ACVR2B: variants seen among roughly 807,000 people sequenced by gnomAD.
ACVR2B encodes activin receptor type-2B.
ACVR2B carries 18 observed loss-of-function variants against 65.1 expected under a neutral mutation model. That is an observed-to-expected ratio of 0.28 (90% CI 0.19 to 0.41). The LOEUF (loss-of-function observed/expected upper bound fraction) is 0.41. Ranked by LOEUF, ACVR2B falls within the 10% of genes least tolerant of loss-of-function variation. The pLI is 1.00. For synonymous variants in ACVR2B, 298 were observed against 277.7 expected (o/e 1.07, Z -0.73); for missense variants, 482 against 682.7 (o/e 0.71, Z 3.28).
At chr3:38,465,897 T>C (rs1445887305) in intron 1 of ACVR2B, among the ~76,000 whole-genome samples, 2 of 152,154 alleles carry the variant, frequency 1.3e-5, no homozygotes, top group African/African-American at 4.8e-5. Flanking sequence ...AAAGACAGAA[T>C]GTTGAAAGCA....
intron 1 of ACVR2B, among the ~76,000 whole-genome samples, chr3:38,472,087 T>G (rs1282156848): frequency 6.6e-6 from 1 of 152,198 alleles, no homozygotes. Flanking sequence ...TACACGTGTG[T>G]GCATGTGTCA....
At chr3:38,457,053 A>C (rs1267231267) in intron 1 of ACVR2B, among the ~76,000 whole-genome samples, 1 of 152,012 alleles carries the variant, frequency 6.6e-6, no homozygotes, top group Non-Finnish European at 1.5e-5. Flanking sequence ...AAAATACAAA[A>C]ATTAGCTGGG....
Position 38,478,444 on chromosome 3 carries a change from C to G in ACVR2B, c.592C>G (p.Arg198Gly). 2 of 1,614,132 alleles carry G rather than the reference C, an allele frequency of 1.2e-6. No homozygotes were observed. Among genetic ancestry groups the G allele is most frequent in the Non-Finnish European group, 1.7e-6 (2 of 1,180,012 alleles). ...KPLQLLEIKA[R>G]GRFGCVWKAQ... ...ACTGCAGCTGCTGGAGATCAAGGCT[C>G]GGGGGCGCTTTGGCTGTGTCTGGAA... Residue 198 changes from arginine (R) to glycine (G), a missense_variant, in exon 5 of 11, where the codon CGG (arginine) becomes GGG (glycine). Transcript: ENST00000352511.
intron 6 of ACVR2B, 48 bp from the exon 7 acceptor site, chr3:38,479,630 G>A (rs1221926967): frequency 1.2e-6 from 2 of 1,611,038 alleles, no homozygotes; most frequent in South Asian, 2.2e-5. Context: ...GCTGGGTCCT[G>A]TCCTGTACCC....
chr3:38,457,586 C>T (rs192563229), intron 1 of ACVR2B, among the ~76,000 whole-genome samples: 1 of 152,332 alleles, frequency 6.6e-6, no homozygotes, highest in East Asian at 1.9e-4. Context: ...ACATCCTGGA[C>T]ACTCAATGCT....
rs140005030 is a variant in ACVR2B, at chr3:38,492,046, G to A, written c.*8714G>A. On this transcript the variant is annotated 3_prime_UTR_variant, in exon 11 of 11. Coordinates refer to ENST00000352511, the MANE Select transcript of ACVR2B (RefSeq NM_001106.4). ...CAGTACTGTAAATTTAACTTACATCGAGTTTGTTGTCAATTCTTATGAAAA... is the reference window on the plus strand; with the variant it reads ...CAGTACTGTAAATTTAACTTACATCAAGTTTGTTGTCAATTCTTATGAAAA... 17 of 152,132 alleles carry A rather than the reference G, an allele frequency of 1.1e-4. No individual in the cohort carries two copies. Among genetic ancestry groups the A allele is most frequent in the Non-Finnish European group, 2.1e-4 (14 of 68,020 alleles). 9.4% of individuals were successfully genotyped at this position (152,132 alleles called of 1,614,324 possible). A position where few individuals can be genotyped will look rare whatever the true frequency, so the allele number is the denominator to read the frequency against.
chr3:38,454,411 C>A, intron 1 of ACVR2B, 37 bp downstream of exon 1: 2 of 1,242,494 alleles, frequency 1.6e-6, no homozygotes. Context: ...GCCGAGAGGG[C>A]GCGCGGGGCT....
Position 38,477,334 on chromosome 3 carries a change from G to A in ACVR2B, c.100G>A (p.Ala34Thr), listed in dbSNP as rs371756878. 2 of 1,614,140 alleles carry A rather than the reference G, an allele frequency of 1.2e-6. No homozygotes were observed. The highest frequency in any genetic ancestry group is 1.7e-6 in the Non-Finnish European group (2 of 1,180,012). ...AETRECIYYN[A>T]NWELERTNQS... Reference sequence around the variant, plus strand: ...GACACGGGAGTGCATCTACTACAACGCCAACTGGGAGCTGGAGCGCACCAA... The same window carrying A: ...GACACGGGAGTGCATCTACTACAACACCAACTGGGAGCTGGAGCGCACCAA... Residue 34 changes from alanine to threonine, a missense_variant, in exon 2 of 11, where the codon GCC becomes ACC. This residue lies in a region of ACVR2B where 85 missense variants were observed against 137.3 expected (regional missense o/e 0.62). Coordinates refer to ENST00000352511, the MANE Select transcript of ACVR2B (RefSeq NM_001106.4). This position sits in a 1 kb window ranked among gnomAD's most constrained non-coding sequence, Gnocchi z 6.7.
intron 6 of ACVR2B, 63 bp from the exon 7 acceptor site, chr3:38,479,615 G>A: frequency 6.3e-7 from 1 of 1,588,244 alleles, no homozygotes; most frequent in Non-Finnish European, 8.6e-7. Context: ...CTCTGCCAGG[G>A]CTGGGCTGGG....
At chr3:38,474,875 C>A (rs1326213595) in intron 1 of ACVR2B, 1 of 152,268 alleles carries the variant, frequency 6.6e-6, no homozygotes, top group East Asian at 1.9e-4. Flanking sequence ...GAGGTGGTAA[C>A]TTCCGACTTA....
rs1283077380 is a variant in ACVR2B at position 38,490,907 on chromosome 3, A to C, written c.*7575A>C. Reference sequence around the variant, plus strand: ...ATGGTGCTTCCTGTGTTCCTCTTTGAATTCTGCCATTTTCAGTATTCTTGT... The same window carrying C: ...ATGGTGCTTCCTGTGTTCCTCTTTGCATTCTGCCATTTTCAGTATTCTTGT... On this transcript the variant is annotated 3_prime_UTR_variant, in exon 11 of 11. Coordinates refer to ENST00000352511, the MANE Select transcript of ACVR2B (RefSeq NM_001106.4). The C allele has an allele frequency of 6.6e-6, 1 of 152,624 alleles. No homozygotes were observed. 9.5% of individuals were successfully genotyped at this position (152,624 alleles called of 1,614,324 possible).
rs1326541728 is a variant in ACVR2B, at chr3:38,482,269, G to A, written c.1146G>A (p.Leu382=). 2 of 1,613,190 alleles carry A rather than the reference G, an allele frequency of 1.2e-6. No individual in the cohort carries two copies. The highest frequency in any genetic ancestry group is 2.2e-5 in the South Asian group (2 of 90,984). ...GAINFQRDAF[L]RIDMYAMGLV... is the part of the protein sequence containing the mutation. ...TCAACTTCCAGAGAGATGCCTTCCT[G>A]CGCATTGACATGTATGCCATGGGGT... is the stretch of plus-strand genomic sequence containing the variant. The change falls in exon 9 of 11, where the codon CTG becomes CTA. Residue 382 remains leucine, a synonymous_variant. Coordinates refer to ENST00000352511, the MANE Select transcript of ACVR2B (RefSeq NM_001106.4).
At chr3:38,467,560 A>G (rs1438859656) in intron 1 of ACVR2B, among the ~76,000 whole-genome samples, 1 of 151,280 alleles carries the variant, frequency 6.6e-6, no homozygotes, top group Non-Finnish European at 1.5e-5. Flanking sequence ...AGACCATCTT[A>G]GGCAACGTAG....
intron 1 of ACVR2B, among the ~76,000 whole-genome samples, chr3:38,467,785 A>C (rs1709757609): frequency 6.6e-6 from 1 of 152,072 alleles, no homozygotes; most frequent in Non-Finnish European, 1.5e-5. Flanking sequence ...AATAATAGAG[A>C]ATTCTTCAGT....
rs188476874 is a variant in ACVR2B at position 38,484,472 on chromosome 3, G to T, written c.*1140G>T. On this transcript the variant is annotated 3_prime_UTR_variant, in exon 11 of 11. Coordinates refer to ENST00000352511, the MANE Select transcript of ACVR2B (RefSeq NM_001106.4). ...CCCAGAGTCCTGCACCTCTGGTTCC[G>T]CCCCAGGTGGTGACATTACTGTCCC... 1 of 152,314 alleles carries T rather than the reference G, an allele frequency of 6.6e-6. No individual in the cohort carries two copies. The highest frequency in any genetic ancestry group is 1.5e-5 in the Non-Finnish European group (1 of 68,036). The allele number at this position is 152,314 out of a possible 1,614,324, so 9.4% of individuals were successfully genotyped here. A position where few individuals can be genotyped will look rare whatever the true frequency, so the allele number is the denominator to read the frequency against.
At chr3:38,459,155 C>T (rs186184846) in intron 1 of ACVR2B, among the ~76,000 whole-genome samples, 10 of 152,332 alleles carry the variant, frequency 6.6e-5, no homozygotes, top group Non-Finnish European at 1.3e-4. Context: ...ATCCATCCCC[C>T]CACTCTGGAT....
intron 1 of ACVR2B, among the ~76,000 whole-genome samples, chr3:38,457,587 ACT>A: frequency 6.6e-6 from 1 of 152,262 alleles, no homozygotes; most frequent in African/African-American, 2.4e-5. Context: ...CATCCTGGAC[ACT>A]CAATGCTGTA....
At chr3:38,459,877 G>GC (rs1192403590) in intron 1 of ACVR2B, among the ~76,000 whole-genome samples, 1 of 152,160 alleles carries the variant, frequency 6.6e-6, no homozygotes, top group African/African-American at 2.4e-5. Context: ...CAGGCTGGCA[G>GC]CCCCCTGTGG....
chr3:38,493,006 C>T lies in ACVR2B; in HGVS notation c.*9674C>T, dbSNP rs1410104045. On this transcript the variant is annotated 3_prime_UTR_variant, in exon 11 of 11. Coordinates refer to ENST00000352511, the MANE Select transcript of ACVR2B (RefSeq NM_001106.4). ...TTGCTGCTTGAACTCTGCACTGGGT[C>T]CTCAAATAAACCGATGTGAATGTAG... The T allele has an allele frequency of 1.3e-5, 2 of 152,334 alleles. No homozygotes were observed. Among genetic ancestry groups the T allele is most frequent in the Admixed American group, 6.6e-5 (1 of 15,238 alleles). 9.4% of individuals were successfully genotyped at this position (152,334 alleles called of 1,614,324 possible). A position where few individuals can be genotyped will look rare whatever the true frequency, so the allele number is the denominator to read the frequency against.
Sources: gnomAD v4.1 joint callset for allele counts (sites outside exome capture counted in the v4.1 genomes callset) on GRCh38, gnomAD v4.1.1 for gene constraint, gnomAD v4.1.1 regional missense constraint, Gnocchi (gnomAD v3.1) non-coding constraint, MANE v1.5 for transcripts, NCBI Gene and HGNC (gene_info 2026-07-23, HGNC 2026-07-21) for gene names.